TMOD1: variants seen among roughly 807,000 people sequenced by gnomAD.
The protein encoded by TMOD1 is tropomodulin-1.
TMOD1 carries 17 observed loss-of-function variants against 40.6 expected under a neutral mutation model. The observed-to-expected ratio is 0.42, with a 90% CI of 0.29 to 0.63. TMOD1 has a LOEUF of 0.63. Ranked by LOEUF, TMOD1 falls within the 20% of genes least tolerant of loss-of-function variation. TMOD1 has a pLI of 0.22. For missense variants in TMOD1, 391 were observed against 447.6 expected (o/e 0.87, Z 1.14); for synonymous variants, 181 against 175.0 (o/e 1.03, Z -0.27).
chr9:97,576,088 A>G (rs1830934289), intron 8 of TMOD1, among the ~76,000 whole-genome samples: 1 of 152,236 alleles, frequency 6.6e-6, no homozygotes, highest in Admixed American at 6.5e-5. Flanking sequence ...CGTGAAGCCA[A>G]TAGAAGGAAT....
intron 8 of TMOD1, among the ~76,000 whole-genome samples, chr9:97,582,465 A>G (rs1393885914): frequency 6.8e-6 from 1 of 147,180 alleles, no homozygotes; most frequent in Admixed American, 6.8e-5. Flanking sequence ...TTGGCTTAGG[A>G]TTGACTTGGC....
chr9:97,507,370 C>T (rs113601530), intron 1 of TMOD1, among the ~76,000 whole-genome samples: 1,927 of 152,258 alleles, frequency 0.013, 41 homozygotes, highest in African/African-American at 0.043. Flanking sequence ...CAACATTGCA[C>T]GCATTTGCTT....
chr9:97,537,752 T>A (rs1163471978), intron 2 of TMOD1, among the ~76,000 whole-genome samples: 1 of 152,218 alleles, frequency 6.6e-6, no homozygotes, highest in Admixed American at 6.5e-5. Flanking sequence ...TTTTCAAAAT[T>A]TAAAAAATTC....
At chr9:97,535,497 C>G (rs1265813555) in intron 2 of TMOD1, among the ~76,000 whole-genome samples, 1 of 152,168 alleles carries the variant, frequency 6.6e-6, no homozygotes, top group Non-Finnish European at 1.5e-5. Flanking sequence ...CCACCTCCTC[C>G]AGGAAGCCCA....
chr9:97,551,270 C>T lies in TMOD1; in HGVS notation c.278-2011C>T, dbSNP rs561901005. 2.0e-5 allele frequency among the ~76,000 whole-genome samples: 3 copies of T among 152,100 alleles called. No individual in the cohort carries two copies. In the East Asian group the frequency reaches 5.8e-4, roughly 29 times the overall value. Reference sequence around the variant, plus strand: ...AACTCCTGACCTCAGGGGATCTGCCCATCTCACCCTTCCAAAGTGCTGGGA... The same window carrying T: ...AACTCCTGACCTCAGGGGATCTGCCTATCTCACCCTTCCAAAGTGCTGGGA... On this transcript the variant is annotated intron_variant, in intron 3 of 9. Transcript: ENST00000259365.
At chr9:97,552,449 G>A (rs555591483) in intron 3 of TMOD1, among the ~76,000 whole-genome samples, 1 of 152,180 alleles carries the variant, frequency 6.6e-6, no homozygotes, top group South Asian at 2.1e-4. Context: ...ATCTTTATAC[G>A]TTTATTATTG....
intron 2 of TMOD1, among the ~76,000 whole-genome samples, chr9:97,538,705 T>C (rs777421719): frequency 3.3e-5 from 5 of 152,098 alleles, no homozygotes; most frequent in African/African-American, 7.2e-5. Flanking sequence ...GTAATTAAGA[T>C]TTTTCTCTAG....
intron 3 of TMOD1, among the ~76,000 whole-genome samples, chr9:97,548,320 C>G (rs1222342902): frequency 6.6e-6 from 1 of 152,118 alleles, no homozygotes; most frequent in Non-Finnish European, 1.5e-5. Flanking sequence ...GGACTTCAAA[C>G]CATTCCAAAT....
chr9:97,503,914 C>T (rs1326564981), intron 1 of TMOD1, among the ~76,000 whole-genome samples: 1 of 152,148 alleles, frequency 6.6e-6, no homozygotes, highest in Non-Finnish European at 1.5e-5. Flanking sequence ...TCTAGCATGA[C>T]CCATCCTGTA....
chr9:97,571,592 T>G (rs111581453), intron 8 of TMOD1, among the ~76,000 whole-genome samples: 1 of 152,228 alleles, frequency 6.6e-6, no homozygotes, highest in Non-Finnish European at 1.5e-5. Context: ...TAATTTAATG[T>G]TCACAAAGAC....
rs1481028133 is a variant in TMOD1 at position 97,504,401 on chromosome 9, G to A, written c.-49+2598G>A. The stretch of plus-strand genomic sequence containing the variant: ...CTTGGATGAGAAAGGAAGGGAGAGG[G>A]AAGGTAGCAGGAACTGAGGACAAGG... On this transcript the variant is annotated intron_variant, in intron 1 of 9. Coordinates refer to ENST00000259365, the MANE Select transcript of TMOD1 (RefSeq NM_003275.4). Among the ~76,000 whole-genome samples the A allele has an allele frequency of 3.9e-5, 6 of 152,302 alleles. No homozygotes were observed. In the East Asian group the frequency reaches 7.7e-4, roughly 20 times the overall value.
Position 97,601,409 on chromosome 9 carries a change from T to C in TMOD1, c.*1711T>C. ...TGATCTAAAAACTGTGGCTCAAATG[T>C]CACCGAGCTTATATGAAGCTCCCAG... On this transcript the variant is annotated 3_prime_UTR_variant, in exon 10 of 10. Coordinates refer to ENST00000259365, the MANE Select transcript of TMOD1 (RefSeq NM_003275.4). 9.6e-7 allele frequency: 1 copy of C among 1,036,412 alleles called. No homozygotes were observed. 64.2% of individuals were successfully genotyped at this position (1,036,412 alleles called of 1,614,324 possible). A position where few individuals can be genotyped will look rare whatever the true frequency, so the allele number is the denominator to read the frequency against.
chr9:97,595,775 C>G (rs1475608197), intron 9 of TMOD1, among the ~76,000 whole-genome samples: 2 of 152,020 alleles, frequency 1.3e-5, no homozygotes, highest in Non-Finnish European at 2.9e-5. Context: ...TCCCCCAAAC[C>G]TATCTCAGAA....
chr9:97,600,684 T>C lies in TMOD1; in HGVS notation c.*986T>C. On this transcript the variant is annotated 3_prime_UTR_variant, in exon 10 of 10. Coordinates refer to ENST00000259365, the MANE Select transcript of TMOD1 (RefSeq NM_003275.4). The stretch of plus-strand genomic sequence containing the variant: ...CAAATTGCTGCTGACCTTACGCCTG[T>C]ATATTAAGCCTCCGCAGGATGCCGG... 1 of 998,814 alleles carries C rather than the reference T, an allele frequency of 1.0e-6. No homozygotes were observed. The highest frequency in any genetic ancestry group is 1.2e-6 in the Non-Finnish European group (1 of 838,180). 61.9% of individuals were successfully genotyped at this position (998,814 alleles called of 1,614,324 possible).
At chr9:97,562,923 C>A in intron 5 of TMOD1, 102 bp downstream of exon 5, 1 of 861,334 alleles carries the variant, frequency 1.2e-6, no homozygotes, top group Non-Finnish European at 1.8e-6. Flanking sequence ...GTTATATAGC[C>A]AAATCTGTTC....
In TMOD1 at chr9:97,601,057, G is replaced by C; in HGVS notation, c.*1359G>C. The stretch of plus-strand genomic sequence containing the variant: ...CTGCGCACTGAACTGTAAGGCAGTG[G>C]GCAGTACAGGGTAACTGGAGGCGGG... On this transcript the variant is annotated 3_prime_UTR_variant, in exon 10 of 10. Transcript: ENST00000259365. 7.7e-7 allele frequency: 1 copy of C among 1,304,194 alleles called. No homozygotes were observed. Among genetic ancestry groups the C allele is most frequent in the East Asian group, 5.5e-5 (1 of 18,026 alleles). The allele number at this position is 1,304,194 out of a possible 1,614,324, so 80.8% of individuals were successfully genotyped here. A position where few individuals can be genotyped will look rare whatever the true frequency, so the allele number is the denominator to read the frequency against.
chr9:97,576,882 G>C (rs147711855), intron 8 of TMOD1, among the ~76,000 whole-genome samples: 5 of 151,862 alleles, frequency 3.3e-5, no homozygotes, highest in Admixed American at 6.6e-5. Flanking sequence ...CTTGTGATCC[G>C]CCCACCTCGG....
At chr9:97,527,031 T>C (rs1830025366) in intron 2 of TMOD1, among the ~76,000 whole-genome samples, 1 of 152,174 alleles carries the variant, frequency 6.6e-6, no homozygotes, top group Non-Finnish European at 1.5e-5. Context: ...GAAGATGGTT[T>C]CCTGATGAGG....
rs376930350 is a variant in TMOD1 at position 97,599,702 on chromosome 9, G to A, written c.*4G>A. On this transcript the variant is annotated 3_prime_UTR_variant, in exon 10 of 10. Transcript: ENST00000259365. ...CAAGTGCCGGAGTGGTGTCTAGTGTGTGGCGGTGGAGTCCATGCCTTTGAA... is the reference window on the plus strand; with the variant it reads ...CAAGTGCCGGAGTGGTGTCTAGTGTATGGCGGTGGAGTCCATGCCTTTGAA... 4.3e-6 allele frequency: 7 copies of A among 1,614,064 alleles called. No individual in the cohort carries two copies. In the African/African-American group the frequency reaches 8.0e-5, roughly 18 times the overall value.
Sources: gnomAD v4.1 joint callset for allele counts (sites outside exome capture counted in the v4.1 genomes callset) on GRCh38, gnomAD v4.1.1 for gene constraint, MANE v1.5 for transcripts, NCBI Gene and HGNC (gene_info 2026-07-23, HGNC 2026-07-21) for gene names.